REEP5: variants seen among roughly 807,000 people sequenced by gnomAD.
REEP5 encodes the protein receptor accessory protein 5, also known as receptor expression-enhancing protein 5.
Under a neutral mutation model 22.4 loss-of-function variants are expected in REEP5, and 24 were observed. That is an observed-to-expected ratio of 1.07 (90% CI 0.78 to 1.51). The LOEUF is 1.51. Among genes scored for constraint, REEP5 ranks in the 40% most tolerant of loss-of-function variants. The pLI, the probability that REEP5 is intolerant of heterozygous loss-of-function variation, is 0.00. For missense variants in REEP5, 252 were observed against 233.0 expected (o/e 1.08, Z -0.53); for synonymous variants, 103 against 88.6 (o/e 1.16, Z -0.92).
intron 2 of REEP5, among the ~76,000 whole-genome samples, chr5:112,914,146 A>AAAAC (rs1245948176): frequency 1.3e-5 from 2 of 151,486 alleles, no homozygotes; most frequent in Admixed American, 6.6e-5. Flanking sequence ...TGTCTCAAAA[A>AAAAC]AAACACACTC....
intron 4 of REEP5, among the ~76,000 whole-genome samples, chr5:112,879,278 C>T (rs757518341): frequency 1.4e-5 from 2 of 142,210 alleles, no homozygotes; most frequent in Non-Finnish European, 3.0e-5. Context: ...TCAGAGAAGT[C>T]CTCATTCCCA....
chr5:112,913,980 C>A (rs1468858227), intron 2 of REEP5, among the ~76,000 whole-genome samples: 4 of 151,570 alleles, frequency 2.6e-5, no homozygotes, highest in Non-Finnish European at 4.4e-5. Context: ...ATGGCAAAAC[C>A]CCATCTCTAC....
intron 4 of REEP5, among the ~76,000 whole-genome samples, chr5:112,881,502 C>T (rs998703421): frequency 6.6e-6 from 1 of 152,128 alleles, no homozygotes; most frequent in Non-Finnish European, 1.5e-5. Context: ...TTTCCTTTAC[C>T]TTCTTGCTCT....
chr5:112,896,067 A>C (rs1768670638), intron 3 of REEP5: 1 of 152,670 alleles, frequency 6.6e-6, no homozygotes, highest in African/African-American at 2.4e-5. Flanking sequence ...TATGCTTAAC[A>C]TGCAGTTACG....
At chr5:112,892,363 C>G in intron 3 of REEP5, 2 of 1,614,112 alleles carry the variant, frequency 1.2e-6, no homozygotes, top group East Asian at 2.2e-5. Context: ...CCAACAGTTC[C>G]TAGATTTCTA....
In REEP5 at chr5:112,893,094, T is replaced by TTAAAAAAAA. The variant is rs781185558; in HGVS notation, c.352-5912_352-5911insTTTTTTTTA. On this transcript the variant is annotated intron_variant, in intron 3 of 4. Coordinates refer to ENST00000379638, the MANE Select transcript of REEP5 (RefSeq NM_005669.5). ...AATCCAAATAAACTAGTTTTGTTCT[T>TTAAAAAAAA]AAAAAAAAAAAAAAAAAAAAAAAGA... 106 of 501,430 alleles carry TTAAAAAAAA rather than the reference T, an allele frequency of 2.1e-4. 1 individual carries two copies. Among genetic ancestry groups the TTAAAAAAAA allele is most frequent in the African/African-American group, 7.0e-4 (31 of 44,156 alleles). The allele number at this position is 501,430 out of a possible 1,614,324, so 31.1% of individuals were successfully genotyped here.
At chr5:112,910,108 G>C (rs1445181637) in intron 2 of REEP5, among the ~76,000 whole-genome samples, 1 of 152,178 alleles carries the variant, frequency 6.6e-6, no homozygotes, top group African/African-American at 2.4e-5. Flanking sequence ...TTCAAGGCCA[G>C]ACTGGCCAAC....
At chr5:112,914,429 G>A (rs1769187414) in intron 2 of REEP5, among the ~76,000 whole-genome samples, 1 of 151,716 alleles carries the variant, frequency 6.6e-6, no homozygotes, top group South Asian at 2.1e-4. Context: ...GTAGAGATGG[G>A]GTTTTGCCAT....
chr5:112,888,888 GTGTTGT>G (rs1768344789), intron 3 of REEP5, among the ~76,000 whole-genome samples: 1 of 150,788 alleles, frequency 6.6e-6, no homozygotes. Flanking sequence ...TAATTCTCAT[GTGTTGT>G]GGAAAGGACA....
At chr5:112,921,141 G>C in intron 2 of REEP5, 22 bp downstream of exon 2, 3 of 1,609,948 alleles carry the variant, frequency 1.9e-6, no homozygotes, top group Non-Finnish European at 2.5e-6. Context: ...GGAAGGGGAC[G>C]GCTGCAGGGT....
chr5:112,897,509 A>G (rs1768728829), intron 3 of REEP5: 1 of 152,176 alleles, frequency 6.6e-6, no homozygotes, highest in African/African-American at 2.4e-5. Flanking sequence ...TAAAGGAATG[A>G]GCATATGTAA....
chr5:112,921,923 G>C, intron 1 of REEP5, 150 bp downstream of exon 1: 1 of 1,011,648 alleles, frequency 9.9e-7, no homozygotes, highest in Non-Finnish European at 1.3e-6. Flanking sequence ...CACGCTTTCC[G>C]GGAGGCCAGC....
intron 2 of REEP5, among the ~76,000 whole-genome samples, chr5:112,913,536 T>TAAAA (rs148324454): frequency 3.5e-4 from 23 of 65,472 alleles, no homozygotes; most frequent in African/African-American, 1.0e-3. Context: ...TGACCCTGGC[T>TAAAA]AAAAAAAAAA....
At chr5:112,892,933 A>AGGCACCGCAG in intron 3 of REEP5, 1 of 1,601,982 alleles carries the variant, frequency 6.2e-7, no homozygotes, top group Non-Finnish European at 8.5e-7. Flanking sequence ...AGGAAGAAAT[A>AGGCACCGCAG]GGCACCGCAG....
intron 3 of REEP5, chr5:112,896,720 G>C (rs1408962070): frequency 6.6e-6 from 1 of 151,838 alleles, no homozygotes; most frequent in Non-Finnish European, 1.5e-5. Context: ...TGGATCACAA[G>C]GTCAGGAGTT....
intron 3 of REEP5, chr5:112,895,998 T>C (rs1313219016): frequency 6.6e-6 from 1 of 152,432 alleles, no homozygotes; most frequent in African/African-American, 2.4e-5. Context: ...ATTCCGTCTG[T>C]GCTTCTAATG....
chr5:112,878,788 A>G lies in REEP5; in HGVS notation c.568T>C (p.Ter190GlnextTer18). 6.2e-7 allele frequency: 1 copy of G among 1,614,168 alleles called. No individual in the cohort carries two copies. Among genetic ancestry groups the G allele is most frequent in the Non-Finnish European group, 8.5e-7 (1 of 1,180,026 alleles). ...NLLGEEKKST[*>Q] ...AGGAAGTTTCCATCCAGTCTGGTTT[A>G]GGTGCTCTTCTTTTCTTCACCCAGT... Residue 190 changes from the stop codon to glutamine, a stop_lost, in exon 5 of 5, where the codon TAA becomes CAA. Coordinates refer to ENST00000379638, the MANE Select transcript of REEP5 (RefSeq NM_005669.5).
intron 3 of REEP5, chr5:112,895,487 C>T (rs1366124300): frequency 2.0e-5 from 2 of 99,942 alleles, no homozygotes; most frequent in Non-Finnish European, 3.7e-5. Flanking sequence ...ATTATCTTTT[C>T]TGGATGAATT....
At chr5:112,896,789 C>G (rs766446659) in intron 3 of REEP5, 1 of 151,560 alleles carries the variant, frequency 6.6e-6, no homozygotes, top group Non-Finnish European at 1.5e-5. Flanking sequence ...AAAAATTAGC[C>G]GGGCGTGGTT....
Sources: allele counts gnomAD v4.1 joint callset (sites outside exome capture counted in the v4.1 genomes callset), GRCh38; gene constraint gnomAD v4.1.1; transcripts MANE v1.5; gene names NCBI Gene and HGNC (gene_info 2026-07-23, HGNC 2026-07-21).